The following EYA4 variants were observed in gnomAD, a reference collection of about 807,000 sequenced individuals.
EYA4 encodes EYA transcriptional coactivator and phosphatase 4.
A neutral mutation model predicts 87.9 loss-of-function variants in EYA4; 31 were observed. The observed-to-expected ratio is 0.35, with a 90% CI of 0.27 to 0.48. EYA4 has a LOEUF of 0.48. Among genes scored for constraint, EYA4 ranks in the 20% least tolerant of loss-of-function variants. The pLI, the probability that EYA4 is intolerant of heterozygous loss-of-function variation, is 0.99. For synonymous variants in EYA4, 263 were observed against 270.6 expected (o/e 0.97, Z 0.28); for missense variants, 678 against 761.4 (o/e 0.89, Z 1.29).
chr6:133,502,843 C>A (rs1233069036), intron 13 of EYA4, among the ~76,000 whole-genome samples: 1 of 152,136 alleles, frequency 6.6e-6, no homozygotes, highest in Non-Finnish European at 1.5e-5. Flanking sequence ...CTGATGAAAC[C>A]TCTCTCTTTC....
intron 2 of EYA4, among the ~76,000 whole-genome samples, chr6:133,297,998 T>C (rs1296398239): frequency 6.6e-6 from 1 of 152,106 alleles, no homozygotes; most frequent in African/African-American, 2.4e-5. Flanking sequence ...ATTTTCAAAT[T>C]CTATTATTTC....
chr6:133,475,140 A>G (rs561020706), intron 11 of EYA4, among the ~76,000 whole-genome samples: 17 of 152,216 alleles, frequency 1.1e-4, no homozygotes, highest in Non-Finnish European at 1.9e-4. Flanking sequence ...CCATTATTTA[A>G]TTTACCTTAT....
intron 2 of EYA4, among the ~76,000 whole-genome samples, chr6:133,370,513 A>G (rs566091131): frequency 6.6e-6 from 1 of 152,374 alleles, no homozygotes; most frequent in Admixed American, 6.5e-5. Context: ...TTTATGGCTA[A>G]AGTGTGAAAC....
rs370011180 is a variant in EYA4, at chr6:133,445,682, C to T, written c.84-948C>T. On this transcript the variant is annotated intron_variant, in intron 3 of 19. Coordinates refer to ENST00000355286, the MANE Select transcript of EYA4 (RefSeq NM_004100.5). ...CAAGCTCCGCATCCCAGGTTCACAC[C>T]ACTCTCCTGCCTCAGCCTCCGGAGT... Among the ~76,000 whole-genome samples the T allele has an allele frequency of 3.2e-4, 48 of 151,998 alleles. No individual in the cohort carries two copies. The South Asian group carries it at 8.3e-3, about 26-fold the overall frequency.
chr6:133,269,607 G>A (rs934813513), intron 1 of EYA4, among the ~76,000 whole-genome samples: 1 of 152,100 alleles, frequency 6.6e-6, no homozygotes, highest in Admixed American at 6.5e-5. Context: ...AAAGTAACAT[G>A]TACTTTGGAA....
intron 13 of EYA4, among the ~76,000 whole-genome samples, chr6:133,504,386 T>C (rs533402040): frequency 3.7e-4 from 56 of 152,318 alleles, no homozygotes; most frequent in African/African-American, 1.3e-3. Context: ...CCATCAGATA[T>C]GTGAAGAGTC....
At chr6:133,301,532 C>T (rs560048037) in intron 2 of EYA4, among the ~76,000 whole-genome samples, 1 of 152,270 alleles carries the variant, frequency 6.6e-6, no homozygotes, top group East Asian at 1.9e-4. Flanking sequence ...TAATAGCCAG[C>T]ATTTATCAAG....
At chr6:133,258,747 A>G (rs190922357) in intron 1 of EYA4, among the ~76,000 whole-genome samples, 1 of 152,086 alleles carries the variant, frequency 6.6e-6, no homozygotes, top group Non-Finnish European at 1.5e-5. Context: ...TTTAGGTCCA[A>G]GAGCATTTGG....
At chr6:133,396,817 C>T (rs761662658) in intron 3 of EYA4, among the ~76,000 whole-genome samples, 6 of 152,062 alleles carry the variant, frequency 3.9e-5, no homozygotes, top group Admixed American at 6.6e-5. Flanking sequence ...ATTCTTTCTG[C>T]GCAGGGCTGA....
intron 13 of EYA4, among the ~76,000 whole-genome samples, chr6:133,486,787 G>C (rs1443755151): frequency 6.6e-6 from 1 of 152,164 alleles, no homozygotes; most frequent in Admixed American, 6.5e-5. Flanking sequence ...TTGTAAACAA[G>C]AGAAAGAATA....
Position 133,530,301 on chromosome 6 carries a change from A to G in EYA4, c.*1496A>G, listed in dbSNP as rs939578289. 1.0e-6 allele frequency: 1 copy of G among 985,454 alleles called. No individual in the cohort carries two copies. The highest frequency in any genetic ancestry group is 1.2e-6 in the Non-Finnish European group (1 of 829,936). The allele number at this position is 985,454 out of a possible 1,614,324, so 61.0% of individuals were successfully genotyped here. The stretch of plus-strand genomic sequence containing the variant: ...TGTCACTGCGCAACGGATGGCATTC[A>G]TTACAAGAAGAGCCCATCATCGTTG... On this transcript the variant is annotated 3_prime_UTR_variant, in exon 20 of 20. Transcript: ENST00000355286.
chr6:133,445,996 CTA>C (rs1055498898), intron 3 of EYA4, among the ~76,000 whole-genome samples: 2 of 152,166 alleles, frequency 1.3e-5, no homozygotes, highest in Admixed American at 6.5e-5. Flanking sequence ...TGAATGCATA[CTA>C]AAAGTGTTAC....
chr6:133,393,343 G>A lies in EYA4; in HGVS notation c.83+10902G>A, dbSNP rs114650806. Among the ~76,000 whole-genome samples, 537 of 152,260 alleles carry A rather than the reference G, an allele frequency of 3.5e-3. 3 individuals carry two copies. The highest frequency in any genetic ancestry group is 0.012 in the African/African-American group (515 of 41,560). On this transcript the variant is annotated intron_variant, in intron 3 of 19. Transcript: ENST00000355286. ...ACTATGGGTCAGGCACCAAATGCTT[G>A]AGATACGTCAGTAAACAAAACAAGA...
chr6:133,455,327 T>G (rs986756208), intron 5 of EYA4, among the ~76,000 whole-genome samples: 2 of 152,138 alleles, frequency 1.3e-5, no homozygotes, highest in Non-Finnish European at 2.9e-5. Flanking sequence ...TTGAGTTTGC[T>G]TTTTTGCTAA....
At chr6:133,457,734 A>C (rs561059212) in intron 6 of EYA4, among the ~76,000 whole-genome samples, 1 of 152,250 alleles carries the variant, frequency 6.6e-6, no homozygotes, top group Non-Finnish European at 1.5e-5. Context: ...CTCTCAGGAG[A>C]TAGTTACCAG....
At chr6:133,453,024 T>C (rs539347731) in intron 5 of EYA4, 1 of 152,222 alleles carries the variant, frequency 6.6e-6, no homozygotes, top group Admixed American at 6.5e-5. Flanking sequence ...TTTTATTGCA[T>C]GTAATGATTT....
chr6:133,317,365 G>T (rs1164730729), intron 2 of EYA4, among the ~76,000 whole-genome samples: 1 of 152,200 alleles, frequency 6.6e-6, no homozygotes, highest in African/African-American at 2.4e-5. Flanking sequence ...CAGGTAAGCA[G>T]TGACCAAATT....
At chr6:133,398,522 C>T (rs1027607960) in intron 3 of EYA4, among the ~76,000 whole-genome samples, 15 of 151,930 alleles carry the variant, frequency 9.9e-5, no homozygotes, top group African/African-American at 3.4e-4. Context: ...TTTTTTTCCT[C>T]ATATTTTCAT....
chr6:133,530,580 A>G lies in EYA4; in HGVS notation c.*1775A>G, dbSNP rs1800952563. On this transcript the variant is annotated 3_prime_UTR_variant, in exon 20 of 20. Coordinates refer to ENST00000355286, the MANE Select transcript of EYA4 (RefSeq NM_004100.5). The stretch of plus-strand genomic sequence containing the variant: ...CAACTGAGGCCTCTGTGGCTTCAAT[A>G]AAGTCTACATTTTGCTCACAGATCA... The G allele has an allele frequency of 3.0e-6, 3 of 985,834 alleles. No individual in the cohort carries two copies. The highest frequency in any genetic ancestry group is 3.6e-6 in the Non-Finnish European group (3 of 829,938). The allele number at this position is 985,834 out of a possible 1,614,324, so 61.1% of individuals were successfully genotyped here. A position where few individuals can be genotyped will look rare whatever the true frequency, so the allele number is the denominator to read the frequency against.
Sources: allele counts gnomAD v4.1 joint callset (sites outside exome capture counted in the v4.1 genomes callset), GRCh38; gene constraint gnomAD v4.1.1; transcripts MANE v1.5; gene names NCBI Gene and HGNC (gene_info 2026-07-23, HGNC 2026-07-21).